FER: variants seen among roughly 807,000 people sequenced by gnomAD.
The protein encoded by FER is tyrosine-protein kinase Fer.
In FER, 63 loss-of-function variants were observed where a neutral mutation model predicts 111.0. The ratio of observed to expected loss-of-function variants is 0.57; its 90% confidence interval spans 0.46 to 0.70. The LOEUF (loss-of-function observed/expected upper bound fraction) is 0.70. FER is among the 30% of genes least tolerant of loss of function. The pLI is 0.00. For missense variants in FER, 914 were observed against 954.0 expected (o/e 0.96, Z 0.55); for synonymous variants, 327 against 313.9 (o/e 1.04, Z -0.44).
intron 2 of FER, among the ~76,000 whole-genome samples, chr5:108,791,861 C>A (rs968572751): frequency 6.6e-6 from 1 of 152,072 alleles, no homozygotes; most frequent in Non-Finnish European, 1.5e-5. Context: ...GTTTTGTGTG[C>A]GGTCCAAGGA....
intron 6 of FER, 77 bp from the exon 7 acceptor site, chr5:108,871,288 T>G (rs1051983011): frequency 5.0e-6 from 6 of 1,199,734 alleles, no homozygotes; most frequent in Non-Finnish European, 7.1e-6. Context: ...TTATGCTTAT[T>G]GTTCTGAATC....
intron 16 of FER, among the ~76,000 whole-genome samples, chr5:109,062,002 A>G (rs112368791): frequency 0.015 from 2,088 of 143,022 alleles, 24 homozygotes; most frequent in Admixed American, 0.021. Context: ...TGTTTGAATC[A>G]TCTCTTGAAT....
chr5:108,873,487 A>G (rs1764803465), intron 8 of FER, among the ~76,000 whole-genome samples: 1 of 152,182 alleles, frequency 6.6e-6, no homozygotes, highest in Non-Finnish European at 1.5e-5. Flanking sequence ...GATTGAAGAA[A>G]CTAACAAATA....
chr5:109,108,843 T>G (rs116072976), intron 17 of FER, among the ~76,000 whole-genome samples: 1,604 of 152,280 alleles, frequency 0.011, 22 homozygotes, highest in African/African-American at 0.037. Flanking sequence ...CAAGGCAGGA[T>G]TGGAGCAATC....
intron 12 of FER, among the ~76,000 whole-genome samples, chr5:108,956,062 T>TTTTTCG: frequency 6.6e-6 from 1 of 151,770 alleles, no homozygotes; most frequent in Non-Finnish European, 1.5e-5. Flanking sequence ...ACACTATTCG[T>TTTTTCG]TAATTTTTCG....
At chr5:108,969,954 G>A (rs1214699216) in intron 13 of FER, among the ~76,000 whole-genome samples, 1 of 147,910 alleles carries the variant, frequency 6.8e-6, no homozygotes, top group African/African-American at 2.7e-5. Flanking sequence ...CATTGAACAT[G>A]TTACTATGTT....
chr5:109,067,388 T>C (rs887667115), intron 16 of FER, among the ~76,000 whole-genome samples: 2 of 152,180 alleles, frequency 1.3e-5, no homozygotes, highest in Admixed American at 6.5e-5. Flanking sequence ...CTCTTACTTT[T>C]TGTGGGATTT....
chr5:109,066,067 G>T (rs1330186570), intron 16 of FER, among the ~76,000 whole-genome samples: 1 of 152,084 alleles, frequency 6.6e-6, no homozygotes, highest in Non-Finnish European at 1.5e-5. Context: ...TATTGTAAGA[G>T]ATTACATATA....
At chr5:108,932,785 CT>C (rs369180607) in intron 10 of FER, among the ~76,000 whole-genome samples, 1 of 149,640 alleles carries the variant, frequency 6.7e-6, no homozygotes. Context: ...TGATGATGAG[CT>C]TTTTTTTGTA....
chr5:108,914,576 A>G (rs1030252161), intron 10 of FER, among the ~76,000 whole-genome samples: 2 of 152,202 alleles, frequency 1.3e-5, no homozygotes, highest in African/African-American at 4.8e-5. Context: ...CTCTTGGAGA[A>G]GTAGCATGTT....
At chr5:108,899,531 G>T (rs996964690) in intron 10 of FER, among the ~76,000 whole-genome samples, 1 of 152,088 alleles carries the variant, frequency 6.6e-6, no homozygotes, top group Non-Finnish European at 1.5e-5. Flanking sequence ...GGGCGCGGTG[G>T]CTCACGCCTG....
At chr5:109,034,657 G>A (rs1770111476) in intron 13 of FER, among the ~76,000 whole-genome samples, 1 of 151,890 alleles carries the variant, frequency 6.6e-6, no homozygotes, top group Admixed American at 6.6e-5. Flanking sequence ...ATGTTTAGGG[G>A]TTTTCTTTGT....
intron 13 of FER, among the ~76,000 whole-genome samples, chr5:109,017,167 GAC>G (rs1767258960): frequency 6.6e-6 from 1 of 151,994 alleles, no homozygotes; most frequent in Non-Finnish European, 1.5e-5. Context: ...ACTGAAATGA[GAC>G]AGTTATTTTA....
intron 3 of FER, among the ~76,000 whole-genome samples, chr5:108,823,499 T>C (rs181140608): frequency 3.5e-4 from 54 of 152,320 alleles, no homozygotes; most frequent in Non-Finnish European, 2.6e-4. Flanking sequence ...TAGGTCATTG[T>C]GGTTTTGATT....
At chr5:108,809,260 C>G (rs1757505681) in intron 3 of FER, among the ~76,000 whole-genome samples, 1 of 152,090 alleles carries the variant, frequency 6.6e-6, no homozygotes, top group African/African-American at 2.4e-5. Flanking sequence ...TTACCTAATC[C>G]CGTATTTCTC....
chr5:109,190,094 A>G lies in FER; in HGVS notation c.*2519A>G, dbSNP rs1759270467. The stretch of plus-strand genomic sequence containing the variant: ...TTACGCAAACAGTTTTTCACTGTTA[A>G]TTTTGTTGTGCTTGAAGCATAATTT... On this transcript the variant is annotated 3_prime_UTR_variant, in exon 20 of 20. Transcript: ENST00000281092. 6.6e-6 allele frequency: 1 copy of G among 152,166 alleles called. No homozygotes were observed. The highest frequency in any genetic ancestry group is 6.6e-5 in the Admixed American group (1 of 15,260). 9.4% of individuals were successfully genotyped at this position (152,166 alleles called of 1,614,324 possible).
intron 5 of FER, among the ~76,000 whole-genome samples, chr5:108,860,602 A>G (rs1314281993): frequency 6.6e-6 from 1 of 152,224 alleles, no homozygotes; most frequent in Non-Finnish European, 1.5e-5. Context: ...TTCCATGTGA[A>G]AAAAACATGT....
At chr5:108,815,837 T>C (rs1476427230) in intron 3 of FER, among the ~76,000 whole-genome samples, 2 of 152,222 alleles carry the variant, frequency 1.3e-5, no homozygotes, top group Non-Finnish European at 2.9e-5. Flanking sequence ...CTTGAGCCTG[T>C]ACAACTAGGG....
At chr5:109,017,563 A>C (rs984270871) in intron 13 of FER, among the ~76,000 whole-genome samples, 1 of 151,978 alleles carries the variant, frequency 6.6e-6, no homozygotes, top group Non-Finnish European at 1.5e-5. Flanking sequence ...TGTAATTCAT[A>C]AGAAAAGAGA....
Sources: gnomAD v4.1 joint callset for allele counts (sites outside exome capture counted in the v4.1 genomes callset) on GRCh38, gnomAD v4.1.1 for gene constraint, MANE v1.5 for transcripts, NCBI Gene and HGNC (gene_info 2026-07-23, HGNC 2026-07-21) for gene names.